SH3GL2: variants seen among roughly 807,000 people sequenced by gnomAD.
SH3GL2 encodes the protein endophilin-A1.
SH3GL2 carries 24 observed loss-of-function variants against 46.0 expected under a neutral mutation model. The observed-to-expected ratio is 0.52, with a 90% CI of 0.38 to 0.73. The LOEUF (loss-of-function observed/expected upper bound fraction) is 0.73, where lower values mean the gene tolerates loss of function less well. Ranked by LOEUF, SH3GL2 falls within the 30% of genes least tolerant of loss-of-function variation. The probability of loss-of-function intolerance (pLI) is 0.00; values close to 1 mark genes in which losing one functional copy is unlikely to be tolerated. For synonymous variants in SH3GL2, 196 were observed against 147.1 expected (o/e 1.33, Z -2.40); for missense variants, 413 against 424.2 (o/e 0.97, Z 0.23).
intron 1 of SH3GL2, among the ~76,000 whole-genome samples, chr9:17,622,235 T>G (rs992121467): frequency 2.0e-5 from 3 of 152,126 alleles, no homozygotes; most frequent in Non-Finnish European, 2.9e-5. Context: ...TAAAAAAAAG[T>G]TTGTCCACCC....
intron 2 of SH3GL2, among the ~76,000 whole-genome samples, chr9:17,759,894 C>A (rs1823118391): frequency 6.6e-6 from 1 of 152,170 alleles, no homozygotes; most frequent in East Asian, 1.9e-4. Context: ...AGCAGGAGAT[C>A]TACATTTGTA....
intron 1 of SH3GL2, among the ~76,000 whole-genome samples, chr9:17,740,412 T>C (rs1474156665): frequency 1.3e-5 from 2 of 151,970 alleles, no homozygotes; most frequent in African/African-American, 2.4e-5. Context: ...ACCAAAAGAA[T>C]ACTGCTGAAA....
chr9:17,703,169 C>T (rs1475027875), intron 1 of SH3GL2, among the ~76,000 whole-genome samples: 1 of 151,880 alleles, frequency 6.6e-6, no homozygotes, highest in African/African-American at 2.4e-5. Flanking sequence ...ATTTCCCACC[C>T]TTTATCAAAT....
chr9:17,683,964 A>G (rs1455248109), intron 1 of SH3GL2, among the ~76,000 whole-genome samples: 1 of 152,234 alleles, frequency 6.6e-6, no homozygotes, highest in South Asian at 2.1e-4. Flanking sequence ...GATGCGAGAC[A>G]TGTTCATTTC....
At chr9:17,769,307 C>T (rs1384416702) in intron 3 of SH3GL2, among the ~76,000 whole-genome samples, 1 of 152,198 alleles carries the variant, frequency 6.6e-6, no homozygotes, top group African/African-American at 2.4e-5. Flanking sequence ...GAGCCCAATT[C>T]TATTCTTTTA....
At chr9:17,760,301 A>G (rs1014713051) in intron 2 of SH3GL2, among the ~76,000 whole-genome samples, 3 of 152,206 alleles carry the variant, frequency 2.0e-5, no homozygotes, top group Non-Finnish European at 4.4e-5. Flanking sequence ...ACACAGTAAT[A>G]TGACTGCCAT....
At chr9:17,749,079 C>T (rs1822772184) in intron 2 of SH3GL2, among the ~76,000 whole-genome samples, 1 of 152,182 alleles carries the variant, frequency 6.6e-6, no homozygotes, top group Admixed American at 6.5e-5. Context: ...TTCTGAGTCC[C>T]AGCCTTCAGA....
At chr9:17,714,252 A>G (rs1296784916) in intron 1 of SH3GL2, among the ~76,000 whole-genome samples, 1 of 151,576 alleles carries the variant, frequency 6.6e-6, no homozygotes, top group East Asian at 1.9e-4. Context: ...CTTTGTGTTT[A>G]AAGTGTTTGT....
intron 4 of SH3GL2, 96 bp from the exon 5 acceptor site, chr9:17,787,282 AGT>A: frequency 1.1e-6 from 1 of 918,186 alleles, no homozygotes; most frequent in Admixed American, 2.2e-5. Flanking sequence ...TTAGAAGACA[AGT>A]GGTAATCCTT....
intron 3 of SH3GL2, among the ~76,000 whole-genome samples, chr9:17,770,117 CTG>C (rs1443820878): frequency 1.3e-5 from 2 of 152,170 alleles, no homozygotes; most frequent in African/African-American, 4.8e-5. Context: ...GAGCTGTTCT[CTG>C]TGTAATATCT....
At chr9:17,746,726 G>A (rs1822699155) in intron 1 of SH3GL2, among the ~76,000 whole-genome samples, 1 of 152,202 alleles carries the variant, frequency 6.6e-6, no homozygotes, top group Admixed American at 6.5e-5. Context: ...AGAGGGAAAT[G>A]ATTATTGTAT....
intron 1 of SH3GL2, among the ~76,000 whole-genome samples, chr9:17,724,931 G>C (rs1214183793): frequency 6.6e-6 from 1 of 152,056 alleles, no homozygotes; most frequent in Non-Finnish European, 1.5e-5. Flanking sequence ...TGTATGCGTG[G>C]CTTTCACGGT....
chr9:17,675,155 T>C (rs1253010229), intron 1 of SH3GL2, among the ~76,000 whole-genome samples: 1 of 152,224 alleles, frequency 6.6e-6, no homozygotes, highest in Non-Finnish European at 1.5e-5. Context: ...TTAAACTTCG[T>C]ATGTCTTATT....
intron 3 of SH3GL2, among the ~76,000 whole-genome samples, chr9:17,775,399 TC>T (rs1823614091): frequency 6.6e-6 from 1 of 152,216 alleles, no homozygotes; most frequent in Non-Finnish European, 1.5e-5. Flanking sequence ...TTTCTGTACT[TC>T]ATTTTCCATC....
intron 1 of SH3GL2, among the ~76,000 whole-genome samples, chr9:17,720,159 A>C (rs984857855): frequency 6.6e-6 from 1 of 152,096 alleles, no homozygotes; most frequent in African/African-American, 2.4e-5. Context: ...CTCCCAAATA[A>C]ATTTAGTACC....
In SH3GL2 at chr9:17,659,259, C is replaced by G. The variant is rs141380924; in HGVS notation, c.45+79972C>G. On this transcript the variant is annotated intron_variant, in intron 1 of 8. Coordinates refer to ENST00000380607, the MANE Select transcript of SH3GL2 (RefSeq NM_003026.5). ...GCTCTCTTCCCCATCTCAGACAAAGCTTTGGTTCCCTTTGGTCTGCAGCAT... is the reference window on the plus strand; with the variant it reads ...GCTCTCTTCCCCATCTCAGACAAAGGTTTGGTTCCCTTTGGTCTGCAGCAT... Among the ~76,000 whole-genome samples, 309 of 152,244 alleles carry G rather than the reference C, an allele frequency of 2.0e-3. 1 individual carries two copies. Among genetic ancestry groups the G allele is most frequent in the African/African-American group, 7.1e-3 (295 of 41,566 alleles).
intron 1 of SH3GL2, among the ~76,000 whole-genome samples, chr9:17,635,266 C>A (rs75197461): frequency 6.6e-6 from 1 of 152,122 alleles, no homozygotes; most frequent in Admixed American, 6.5e-5. Context: ...CATTAGTTTG[C>A]TAAGGATAAT....
At chr9:17,586,743 TGGCG>T (rs1818384430) in intron 1 of SH3GL2, among the ~76,000 whole-genome samples, 1 of 152,194 alleles carries the variant, frequency 6.6e-6, no homozygotes, top group Non-Finnish European at 1.5e-5. Context: ...GAGAACAGTG[TGGCG>T]GTAACCACCC....
At chr9:17,612,682 A>G (rs1818896120) in intron 1 of SH3GL2, among the ~76,000 whole-genome samples, 1 of 152,196 alleles carries the variant, frequency 6.6e-6, no homozygotes, top group Non-Finnish European at 1.5e-5. Flanking sequence ...TTCACATACC[A>G]TGCAGTTCAC....
Sources: allele counts gnomAD v4.1 joint callset (sites outside exome capture counted in the v4.1 genomes callset), GRCh38; gene constraint gnomAD v4.1.1; transcripts MANE v1.5; gene names NCBI Gene and HGNC (gene_info 2026-07-23, HGNC 2026-07-21).